SSH2: variants seen among roughly 807,000 people sequenced by gnomAD.
The protein encoded by SSH2 is protein phosphatase Slingshot homolog 2.
A neutral mutation model predicts 135.2 loss-of-function variants in SSH2; 37 were observed. The observed-to-expected ratio is 0.27, with a 90% CI of 0.21 to 0.36. SSH2 has a LOEUF of 0.36. SSH2 is among the 10% of genes least tolerant of loss of function. The probability of loss-of-function intolerance (pLI) is 1.00; values close to 1 mark genes in which losing one functional copy is unlikely to be tolerated. For missense variants in SSH2, 1,408 were observed against 1,765.3 expected (o/e 0.80, Z 3.63); for synonymous variants, 628 against 646.2 (o/e 0.97, Z 0.43).
At chr17:29,851,923 C>T (rs1030176445) in intron 1 of SSH2, among the ~76,000 whole-genome samples, 2 of 152,140 alleles carry the variant, frequency 1.3e-5, no homozygotes, top group African/African-American at 2.4e-5. Flanking sequence ...AACCAAATTA[C>T]ACTAGTTAAG....
chr17:29,752,022 G>C (rs2040962291), intron 3 of SSH2, among the ~76,000 whole-genome samples: 1 of 152,000 alleles, frequency 6.6e-6, no homozygotes, highest in South Asian at 2.1e-4. Flanking sequence ...TACCATATAA[G>C]GAAAACTGTA....
At chr17:29,875,004 G>A (rs1379374971) in intron 1 of SSH2, among the ~76,000 whole-genome samples, 1 of 152,016 alleles carries the variant, frequency 6.6e-6, no homozygotes, top group Non-Finnish European at 1.5e-5. Flanking sequence ...ATGTACAGAT[G>A]CTCCTCAACT....
intron 1 of SSH2, among the ~76,000 whole-genome samples, chr17:29,878,288 G>A (rs1353098097): frequency 5.3e-5 from 8 of 152,092 alleles, no homozygotes; most frequent in African/African-American, 1.2e-4. Context: ...TTAGCCAGGC[G>A]TGGTGGTGCA....
At chr17:29,693,030 GCTCA>G (rs2038554755) in intron 5 of SSH2, among the ~76,000 whole-genome samples, 1 of 152,160 alleles carries the variant, frequency 6.6e-6, no homozygotes, top group African/African-American at 2.4e-5. Flanking sequence ...CGTGATCATG[GCTCA>G]CTGCAGCCTT....
chr17:29,779,444 C>A (rs560579208), intron 3 of SSH2, among the ~76,000 whole-genome samples: 2 of 152,206 alleles, frequency 1.3e-5, no homozygotes, highest in East Asian at 3.9e-4. Context: ...GTGGCCACCC[C>A]CCAAACATTT....
rs539403481 is a variant in SSH2 at position 29,761,263 on chromosome 17, C to T, written c.188+32631G>A. On this transcript the variant is annotated intron_variant, in intron 3 of 15. Coordinates refer to ENST00000540801, the MANE Select transcript of SSH2 (RefSeq NM_001282129.2). The stretch of plus-strand genomic sequence containing the variant: ...GGGGCGCCTTCCTCTTGCGGGCCAA[C>T]GTGCTCAGGGTCATGGGGCCGGCTC... 537 of 1,289,164 alleles carry T rather than the reference C, an allele frequency of 4.2e-4. 1 individual carries two copies. In the African/African-American group the frequency reaches 7.4e-3, roughly 18 times the overall value. 79.9% of individuals were successfully genotyped at this position (1,289,164 alleles called of 1,614,324 possible). A position where few individuals can be genotyped will look rare whatever the true frequency, so the allele number is the denominator to read the frequency against.
intron 3 of SSH2, among the ~76,000 whole-genome samples, chr17:29,792,145 T>C (rs1229405676): frequency 6.6e-6 from 1 of 152,030 alleles, no homozygotes; most frequent in African/African-American, 2.4e-5. Context: ...CAGGCTGTTC[T>C]CAGACTCTTG....
At chr17:29,923,503 C>T (rs2067011521) in intron 1 of SSH2, among the ~76,000 whole-genome samples, 1 of 151,614 alleles carries the variant, frequency 6.6e-6, no homozygotes, top group African/African-American at 2.4e-5. Context: ...TCTATGGTCC[C>T]AGCTTTTTGG....
chr17:29,828,227 A>G (rs1416590367), intron 2 of SSH2, among the ~76,000 whole-genome samples: 1 of 152,244 alleles, frequency 6.6e-6, no homozygotes, highest in East Asian at 1.9e-4. Flanking sequence ...TGACTACACA[A>G]GAAACTTTTA....
In SSH2 at chr17:29,631,154, G is replaced by C; in HGVS notation, c.4040C>G (p.Thr1347Ser). ...NPGAPHNPEP[T>S]KSFVEQLTTT... is the part of the protein sequence containing the mutation. ...TGTGAGTTGTTCTACAAAAGACTTGGTGGGCTCTGGGTTGTGGGGGGCACC... is the reference window on the plus strand; with the variant it reads ...TGTGAGTTGTTCTACAAAAGACTTGCTGGGCTCTGGGTTGTGGGGGGCACC... Residue 1347 changes from threonine (T) to serine (S), a missense_variant, in exon 16 of 16, where the codon ACC becomes AGC. Thr to Ser is a moderately conservative substitution (Grantham distance 58). Transcript: ENST00000540801. 1.2e-6 allele frequency: 2 copies of C among 1,614,194 alleles called. No individual in the cohort carries two copies. The highest frequency in any genetic ancestry group is 1.7e-4 in the Middle Eastern group (1 of 6,060).
chr17:29,750,228 A>C (rs1314462232), intron 3 of SSH2, among the ~76,000 whole-genome samples: 2 of 151,194 alleles, frequency 1.3e-5, no homozygotes, highest in Non-Finnish European at 3.0e-5. Flanking sequence ...ACTTGAGGTC[A>C]GGAGTTCGAG....
At chr17:29,777,398 C>T (rs966108591) in intron 3 of SSH2, among the ~76,000 whole-genome samples, 1 of 152,098 alleles carries the variant, frequency 6.6e-6, no homozygotes, top group African/African-American at 2.4e-5. Context: ...AACTCATATA[C>T]TTTTAATTAC....
chr17:29,722,657 T>A (rs1341179465), intron 3 of SSH2, among the ~76,000 whole-genome samples: 1 of 152,226 alleles, frequency 6.6e-6, no homozygotes, highest in African/African-American at 2.4e-5. Context: ...TGTGGGTGAT[T>A]TTTTTCTTTT....
chr17:29,785,998 GT>G (rs1300833700), intron 3 of SSH2, among the ~76,000 whole-genome samples: 6 of 151,652 alleles, frequency 4.0e-5, no homozygotes, highest in Non-Finnish European at 8.8e-5. Context: ...TAGAGACCGG[GT>G]TTCACCGTGT....
intron 3 of SSH2, among the ~76,000 whole-genome samples, chr17:29,767,857 T>C (rs2041483868): frequency 6.6e-6 from 1 of 152,234 alleles, no homozygotes; most frequent in Admixed American, 6.5e-5. Flanking sequence ...AATATCACTA[T>C]GAACATGTGT....
At position 29,758,514 on chromosome 17, in the gene SSH2, T is replaced by A. The variant is rs574704901; in HGVS notation, c.188+35380A>T. ...CTATTAGTTATTAATTTCAATTAAC[T>A]TTTTGTGCAGAGATTTACAGTTCAC... is the stretch of plus-strand genomic sequence containing the variant. On this transcript the variant is annotated intron_variant, in intron 3 of 15. Transcript: ENST00000540801. Among the ~76,000 whole-genome samples, 6 of 152,344 alleles carry A rather than the reference T, an allele frequency of 3.9e-5. No individual in the cohort carries two copies. In the East Asian group the frequency reaches 1.2e-3, roughly 29 times the overall value.
intron 11 of SSH2, 39 bp downstream of exon 11, chr17:29,666,828 T>C (rs1486299927): frequency 1.2e-5 from 20 of 1,606,018 alleles, no homozygotes; most frequent in Non-Finnish European, 1.7e-5. Context: ...CCATATGGGC[T>C]AGCGTTAGCA....
chr17:29,887,973 A>C (rs1410404551), intron 1 of SSH2, among the ~76,000 whole-genome samples: 1 of 152,160 alleles, frequency 6.6e-6, no homozygotes, highest in Non-Finnish European at 1.5e-5. Context: ...GTGGTAACTC[A>C]TGACTGCAAT....
At chr17:29,692,134 T>C (rs8064665) in intron 5 of SSH2, among the ~76,000 whole-genome samples, 83,887 of 149,882 alleles carry the variant, frequency 0.56, 23,874 homozygotes, top group East Asian at 0.69. Flanking sequence ...AGCAAGACTC[T>C]GTCTCAAAAA....
Sources: allele counts gnomAD v4.1 joint callset (sites outside exome capture counted in the v4.1 genomes callset), GRCh38; gene constraint gnomAD v4.1.1; transcripts MANE v1.5; gene names NCBI Gene and HGNC (gene_info 2026-07-23, HGNC 2026-07-21).